HOATZ: variants seen among roughly 807,000 people sequenced by gnomAD.
The protein encoded by HOATZ is HOATZ cilia and flagella associated protein.
A neutral mutation model predicts 24.9 loss-of-function variants in HOATZ; 26 were observed. The observed-to-expected ratio is 1.04, with a 90% CI of 0.76 to 1.45. The LOEUF is 1.45. HOATZ is among the 40% of genes most tolerant of loss of function. The pLI, the probability that HOATZ is intolerant of heterozygous loss-of-function variation, is 0.00. For missense variants in HOATZ, 226 were observed against 201.5 expected (o/e 1.12, Z -0.74); for synonymous variants, 83 against 76.6 (o/e 1.08, Z -0.43).
chr11:111,516,015 T>C, intron 2 of HOATZ, 25 bp from the exon 3 acceptor site: 1 of 1,411,080 alleles, frequency 7.1e-7, no homozygotes, highest in Non-Finnish European at 9.8e-7. Context: ...TTATTTCAGA[T>C]TGAATTTGAC....
intron 3 of HOATZ, among the ~76,000 whole-genome samples, chr11:111,523,205 C>CTTTT (rs747393521): frequency 5.3e-4 from 50 of 94,194 alleles, no homozygotes; most frequent in Non-Finnish European, 5.9e-4. Context: ...TAAGTGTTCA[C>CTTTT]TTTTTTTTTT....
At chr11:111,515,893 T>A (rs1034857938) in intron 2 of HOATZ, 147 bp from the exon 3 acceptor site, 1 of 586,134 alleles carries the variant, frequency 1.7e-6, no homozygotes, top group Non-Finnish European at 3.0e-6. Flanking sequence ...GCAAATCTGG[T>A]TTGTAAAGTT....
rs149267809 is a variant in HOATZ at position 111,517,195 on chromosome 11, A to G, written c.339+1085A>G. Among the ~76,000 whole-genome samples, 773 of 152,332 alleles carry G rather than the reference A, an allele frequency of 5.1e-3. 7 individuals carry two copies. The highest frequency in any genetic ancestry group is 0.018 in the African/African-American group (735 of 41,570). ...TCAAACAAATTAGGTAATTAGAAAT[A>G]GCCAGCATTTTATTCTCTCTTTAGA... On this transcript the variant is annotated intron_variant, in intron 3 of 5. Transcript: ENST00000375618.
chr11:111,536,901 C>T lies in HOATZ; in HGVS notation c.*74C>T. The T allele has an allele frequency of 3.5e-6, 4 of 1,157,152 alleles. No individual in the cohort carries two copies. In the East Asian group the frequency reaches 9.4e-5, roughly 27 times the overall value. 71.7% of individuals were successfully genotyped at this position (1,157,152 alleles called of 1,614,324 possible). A position where few individuals can be genotyped will look rare whatever the true frequency, so the allele number is the denominator to read the frequency against. On this transcript the variant is annotated 3_prime_UTR_variant, in exon 6 of 6. Transcript: ENST00000375618. ...AAACAACCTTCTCTTAGATCAGGAT[C>T]ATTGAGATCACTGGCAACATTATAG...
At chr11:111,532,837 T>C (rs939684024) in intron 3 of HOATZ, among the ~76,000 whole-genome samples, 4 of 152,202 alleles carry the variant, frequency 2.6e-5, no homozygotes, top group African/African-American at 4.8e-5. Context: ...ATTTATGTGA[T>C]TTTATCTGGC....
rs768126323 is a variant in HOATZ, at chr11:111,514,979, G to C, written c.195G>C (p.Pro65=). 3.1e-6 allele frequency: 5 copies of C among 1,613,472 alleles called. No individual in the cohort carries two copies. The Admixed American group carries it at 6.7e-5, about 22-fold the overall frequency. The change falls in exon 1 of 6, where the codon CCG becomes CCC. Residue 65 remains proline, a synonymous_variant. Coordinates refer to ENST00000375618, the MANE Select transcript of HOATZ (RefSeq NM_001100388.2). ...GCAGAGACAGCAGTCAGCGTCTGCC[G>C]GTGGCGCGGCCCAGGAGGAGCAGAG... ...VLRRDSSQRL[P]VARPRRSRGS... is the part of the protein sequence containing the mutation.
At chr11:111,522,673 C>A (rs1238789255) in intron 3 of HOATZ, among the ~76,000 whole-genome samples, 1 of 152,148 alleles carries the variant, frequency 6.6e-6, no homozygotes, top group African/African-American at 2.4e-5. Flanking sequence ...TTGGGCAGTT[C>A]CCAAGCCACT....
intron 3 of HOATZ, among the ~76,000 whole-genome samples, chr11:111,525,393 A>C (rs1867327006): frequency 1.3e-5 from 2 of 152,156 alleles, no homozygotes; most frequent in South Asian, 4.1e-4. Context: ...TCTGGTCATA[A>C]ATGCTGCCAA....
At position 111,534,449 on chromosome 11, in the gene HOATZ, A is replaced by C; in HGVS notation, c.437A>C (p.Lys146Thr). 6.2e-7 allele frequency: 1 copy of C among 1,610,988 alleles called. No individual in the cohort carries two copies. Among genetic ancestry groups the C allele is most frequent in the Non-Finnish European group, 8.5e-7 (1 of 1,177,136 alleles). Reference sequence around the variant, plus strand: ...TCCCTTCCGTATAAACCAAAAGCCAAAGAACACAAAGCAAAGTAAGTTTAC... The same window carrying C: ...TCCCTTCCGTATAAACCAAAAGCCACAGAACACAAAGCAAAGTAAGTTTAC... ...LISLPYKPKA[K>T]EHKAKKVVSE... Residue 146 changes from lysine to threonine, a missense_variant, in exon 5 of 6, where the codon AAA (lysine) becomes ACA (threonine). By Grantham distance (78) the Lys-to-Thr change is moderately conservative. Transcript: ENST00000375618.
chr11:111,530,884 G>A (rs11602450), intron 3 of HOATZ, among the ~76,000 whole-genome samples: 16,136 of 152,040 alleles, frequency 0.11, 1,171 homozygotes, highest in Non-Finnish European at 0.15. Context: ...GTTTACACTA[G>A]TTTTGTTATT....
chr11:111,533,464 G>A (rs924578155), intron 3 of HOATZ, among the ~76,000 whole-genome samples: 26 of 151,638 alleles, frequency 1.7e-4, no homozygotes, highest in East Asian at 1.5e-3. Flanking sequence ...TATTAGGTGC[G>A]GAAATAACCC....
intron 3 of HOATZ, chr11:111,519,152 G>T (rs1351987040): frequency 2.6e-6 from 1 of 385,880 alleles, no homozygotes; most frequent in Non-Finnish European, 5.1e-6. Context: ...AAAGAGAAAT[G>T]ATTTTTTTTA....
rs1867309413 is a variant in HOATZ at position 111,524,394 on chromosome 11, A to T, written c.339+8284A>T. 2.6e-5 allele frequency among the ~76,000 whole-genome samples: 4 copies of T among 152,232 alleles called. No individual in the cohort carries two copies. The South Asian group carries it at 8.3e-4, about 32-fold the overall frequency. On this transcript the variant is annotated intron_variant, in intron 3 of 5. Transcript: ENST00000375618. ...GATAGACGTTCAAAAACATTATGCCAAGGTTTAACAGCATGTAAGAGAAAC... is the reference window on the plus strand; with the variant it reads ...GATAGACGTTCAAAAACATTATGCCTAGGTTTAACAGCATGTAAGAGAAAC...
At position 111,516,021 on chromosome 11, in the gene HOATZ, T is replaced by A. The variant is rs1191261334; in HGVS notation, c.269-19T>A. On this transcript the variant is annotated intron_variant, in intron 2 of 5. Coordinates refer to ENST00000375618, the MANE Select transcript of HOATZ (RefSeq NM_001100388.2). ...ATAATAAAATTATTTCAGATTGAAT[T>A]TGACTTTATTCCCTCTAGAAAATAG... 1 of 1,461,292 alleles carries A rather than the reference T, an allele frequency of 6.8e-7. No individual in the cohort carries two copies. Among genetic ancestry groups the A allele is most frequent in the East Asian group, 2.3e-5 (1 of 43,720 alleles). 90.5% of individuals were successfully genotyped at this position (1,461,292 alleles called of 1,614,324 possible).
At chr11:111,529,330 T>G (rs1008960899) in intron 3 of HOATZ, among the ~76,000 whole-genome samples, 3 of 152,132 alleles carry the variant, frequency 2.0e-5, no homozygotes, top group Admixed American at 2.0e-4. Context: ...GGCTTGCTCA[T>G]AGTGTTAAAA....
Position 111,516,033 on chromosome 11 carries a change from C to T in HOATZ, c.269-7C>T. The T allele has an allele frequency of 6.5e-7, 1 of 1,528,008 alleles. No individual in the cohort carries two copies. The highest frequency in any genetic ancestry group is 8.9e-7 in the Non-Finnish European group (1 of 1,121,286). The allele number at this position is 1,528,008 out of a possible 1,614,324, so 94.7% of individuals were successfully genotyped here. A position where few individuals can be genotyped will look rare whatever the true frequency, so the allele number is the denominator to read the frequency against. ...TTTCAGATTGAATTTGACTTTATTC[C>T]CTCTAGAAAATAGAGACATCTTTGC... On this transcript the variant is annotated splice_polypyrimidine_tract_variant and splice_region_variant and intron_variant, in intron 2 of 5. Coordinates refer to ENST00000375618, the MANE Select transcript of HOATZ (RefSeq NM_001100388.2).
intron 3 of HOATZ, among the ~76,000 whole-genome samples, chr11:111,521,114 C>A (rs1158819169): frequency 6.6e-6 from 1 of 152,118 alleles, no homozygotes; most frequent in Admixed American, 6.5e-5. Context: ...AAGAACCCAA[C>A]AAGGTGTTTC....
At chr11:111,534,573 C>A in intron 5 of HOATZ, 109 bp downstream of exon 5, 1 of 842,586 alleles carries the variant, frequency 1.2e-6, no homozygotes, top group South Asian at 1.5e-5. Context: ...TAGAAACCCA[C>A]CCGTGTATTA....
chr11:111,529,548 G>C (rs1867373826), intron 3 of HOATZ, among the ~76,000 whole-genome samples: 1 of 152,020 alleles, frequency 6.6e-6, no homozygotes, highest in African/African-American at 2.4e-5. Context: ...ATTTTTAGCA[G>C]AGACGGGGTT....
Sources: allele counts gnomAD v4.1 joint callset (sites outside exome capture counted in the v4.1 genomes callset), GRCh38; gene constraint gnomAD v4.1.1; transcripts MANE v1.5; gene names NCBI Gene and HGNC (gene_info 2026-07-23, HGNC 2026-07-21).